The following ACOX3 variants were observed in gnomAD, a reference collection of about 807,000 sequenced individuals.
ACOX3 encodes the protein acyl-CoA oxidase 3, pristanoyl, also known as peroxisomal acyl-coenzyme A oxidase 3.
A neutral mutation model predicts 81.5 loss-of-function variants in ACOX3; 73 were observed. The ratio of observed to expected loss-of-function variants is 0.90; its 90% CI spans 0.74 to 1.09. The LOEUF (loss-of-function observed/expected upper bound fraction) is 1.09. ACOX3 is among the 50% of genes least tolerant of loss of function. The probability of loss-of-function intolerance (pLI) is 0.00; values close to 1 mark genes in which losing one functional copy is unlikely to be tolerated. For synonymous variants in ACOX3, 387 were observed against 375.1 expected (o/e 1.03, Z -0.37); for missense variants, 947 against 928.0 (o/e 1.02, Z -0.27).
chr4:8,400,672 C>G lies in ACOX3; in HGVS notation c.777-1020G>C, dbSNP rs1242941189. Among the ~76,000 whole-genome samples, 1 of 152,092 alleles carries G rather than the reference C, an allele frequency of 6.6e-6. No individual in the cohort carries two copies. Reference sequence around the variant, plus strand: ...GGTTAAGAATATTACATAAACTGTGCAAAAACCCCCCAAAACAAACTTCAA... The same window carrying G: ...GGTTAAGAATATTACATAAACTGTGGAAAAACCCCCCAAAACAAACTTCAA... On this transcript the variant is annotated intron_variant, in intron 7 of 17. Transcript: ENST00000356406. This position sits in a 1 kb window ranked among gnomAD's most constrained non-coding sequence, Gnocchi z 4.4.
chr4:8,435,162 AG>A (rs1471299276), intron 1 of ACOX3, among the ~76,000 whole-genome samples: 1 of 152,220 alleles, frequency 6.6e-6, no homozygotes, highest in Non-Finnish European at 1.5e-5. Context: ...ACAGAGGTTA[AG>A]CCCCCAGAGG....
chr4:8,421,172 T>C (rs1722900741), intron 1 of ACOX3, among the ~76,000 whole-genome samples: 1 of 152,236 alleles, frequency 6.6e-6, no homozygotes, highest in South Asian at 2.1e-4. Flanking sequence ...TGAGTAATAT[T>C]GAACCACTTT....
intron 13 of ACOX3, among the ~76,000 whole-genome samples, chr4:8,388,915 AG>A (rs1022538315): frequency 6.6e-6 from 1 of 152,090 alleles, no homozygotes; most frequent in African/African-American, 2.4e-5. Context: ...ATCCTATGGG[AG>A]GGAAAGGCAA....
At chr4:8,360,691 C>G in the ACOX3 span, among the ~76,000 whole-genome samples, 1 of 152,130 alleles carries the variant, frequency 6.6e-6, no homozygotes, top group Non-Finnish European at 1.5e-5. Flanking sequence ...CCAGGATGGT[C>G]TCAATCTCCT....
chr4:8,427,733 G>A (rs1321268292), intron 1 of ACOX3, among the ~76,000 whole-genome samples: 3 of 152,344 alleles, frequency 2.0e-5, no homozygotes, highest in East Asian at 3.9e-4. Flanking sequence ...ATTGGGACCG[G>A]CCTGCCACCA....
the ACOX3 span, chr4:8,358,090 C>T: frequency 1.2e-4 from 18 of 152,218 alleles, no homozygotes; most frequent in African/African-American, 2.4e-4. Flanking sequence ...AACGGGACTC[C>T]GGTATAGCAT....
intron 14 of ACOX3, among the ~76,000 whole-genome samples, chr4:8,380,748 G>A (rs759696707): frequency 6.6e-6 from 1 of 152,192 alleles, no homozygotes; most frequent in South Asian, 2.1e-4. Context: ...AGCTCTCTCC[G>A]TATCCACGGC....
chr4:8,374,673 A>C, intron 15 of ACOX3: 1 of 286,566 alleles, frequency 3.5e-6, no homozygotes, highest in Non-Finnish European at 6.5e-6. Flanking sequence ...TATGGGACCT[A>C]GTGGGTGGGC....
intron 1 of ACOX3, among the ~76,000 whole-genome samples, chr4:8,435,150 T>C (rs974237957): frequency 6.6e-6 from 1 of 152,214 alleles, no homozygotes; most frequent in Non-Finnish European, 1.5e-5. Context: ...TTGCAGGGGA[T>C]TACAGAGGTT....
Position 8,394,749 on chromosome 4 carries a change from C to A in ACOX3, c.1057-7G>T. ...ATGGAAGCAAGCGCCATTGCTAGAA[C>A]AGACAAGACACCTGCGTGAACACAT... On this transcript the variant is annotated splice_region_variant and splice_polypyrimidine_tract_variant and intron_variant, in intron 9 of 17. Coordinates refer to ENST00000356406, the MANE Select transcript of ACOX3 (RefSeq NM_003501.3). This position sits in a 1 kb window ranked among gnomAD's most constrained non-coding sequence, Gnocchi z 5.9. 2 of 1,612,196 alleles carry A rather than the reference C, an allele frequency of 1.2e-6. No individual in the cohort carries two copies. Among genetic ancestry groups the A allele is most frequent in the Non-Finnish European group, 1.7e-6 (2 of 1,179,100 alleles).
chr4:8,425,622 A>T (rs1723397226), intron 1 of ACOX3, among the ~76,000 whole-genome samples: 1 of 149,418 alleles, frequency 6.7e-6, no homozygotes, highest in South Asian at 2.2e-4. Context: ...AACAAAGAAC[A>T]GGCCATTACC....
chr4:8,431,265 C>T lies in ACOX3; in HGVS notation c.-15+9383G>A, dbSNP rs1254791515. On this transcript the variant is annotated intron_variant, in intron 1 of 17. Coordinates refer to ENST00000356406, the MANE Select transcript of ACOX3 (RefSeq NM_003501.3). The surrounding 1 kb of genome is among the most constrained non-coding windows in gnomAD (Gnocchi z 5.3). Reference sequence around the variant, plus strand: ...GGCTGGCCTGTAGCAAGTTTTGGCCCCCTGACTTCACTCTCTCCATTTAGT... The same window carrying T: ...GGCTGGCCTGTAGCAAGTTTTGGCCTCCTGACTTCACTCTCTCCATTTAGT... Among the ~76,000 whole-genome samples the T allele has an allele frequency of 1.3e-5, 2 of 152,174 alleles. No individual in the cohort carries two copies. The highest frequency in any genetic ancestry group is 2.9e-5 in the Non-Finnish European group (2 of 68,026).
intron 7 of ACOX3, among the ~76,000 whole-genome samples, chr4:8,404,188 A>G (rs1204917919): frequency 6.6e-6 from 1 of 152,206 alleles, no homozygotes; most frequent in Non-Finnish European, 1.5e-5. Context: ...CTGAGGGCGA[A>G]GGGCCTGAAC....
At position 8,370,491 on chromosome 4, in the gene ACOX3, GACAGAGGGGC is replaced by G. The variant is rs886353605; in HGVS notation, c.1983+407_1983+416del. Among the ~76,000 whole-genome samples the G allele has an allele frequency of 2.0e-5, 3 of 151,606 alleles. No individual in the cohort carries two copies. Among genetic ancestry groups the G allele is most frequent in the African/African-American group, 7.3e-5 (3 of 41,156 alleles). On this transcript the variant is annotated intron_variant, in intron 17 of 17. Coordinates refer to ENST00000356406, the MANE Select transcript of ACOX3 (RefSeq NM_003501.3). The surrounding 1 kb of genome is among the most constrained non-coding windows in gnomAD (Gnocchi z 6.3). ...GTGACAACCATGGATGGTCAGAGGG[GACAGAGGGGC>G]CTGGGGATTCCAGGACAGGGATGGG...
chr4:8,362,277 A>C (rs548671166), downstream of ACOX3, among the ~76,000 whole-genome samples: 2 of 152,362 alleles, frequency 1.3e-5, no homozygotes, highest in Non-Finnish European at 2.9e-5. Flanking sequence ...CCAATAAAAA[A>C]CTGAAGTAAT....
intron 7 of ACOX3, among the ~76,000 whole-genome samples, chr4:8,404,730 C>G (rs1039942412): frequency 1.3e-5 from 2 of 152,182 alleles, no homozygotes; most frequent in Non-Finnish European, 2.9e-5. Context: ...CAGTTATTTC[C>G]AACTCCTGTA....
rs187789155 is a variant in ACOX3, at chr4:8,416,276, G to T, written c.144+102C>A. 9.4e-6 allele frequency: 15 copies of T among 1,587,452 alleles called. No individual in the cohort carries two copies. Among genetic ancestry groups the T allele is most frequent in the Non-Finnish European group, 1.2e-5 (14 of 1,159,740 alleles). On this transcript the variant is annotated intron_variant, in intron 2 of 17. Transcript: ENST00000356406. This position sits in a 1 kb window ranked among gnomAD's most constrained non-coding sequence, Gnocchi z 4.2. ...GGCCGCGCTGCCTGGGATGAGCCTC[G>T]CCCGGCAGAGGAGGAGCTGTGAGAG...
intron 1 of ACOX3, among the ~76,000 whole-genome samples, chr4:8,434,285 C>T (rs1204096685): frequency 6.6e-6 from 1 of 152,240 alleles, no homozygotes; most frequent in Non-Finnish European, 1.5e-5. Flanking sequence ...GGGCTCCGCT[C>T]TTAAGCCACA....
At chr4:8,413,926 G>A (rs953231672) in intron 5 of ACOX3, among the ~76,000 whole-genome samples, 2 of 152,152 alleles carry the variant, frequency 1.3e-5, no homozygotes, top group Admixed American at 6.5e-5. Context: ...GTCTCCATGG[G>A]GCCCACCGTA....
Sources: allele counts gnomAD v4.1 joint callset (sites outside exome capture counted in the v4.1 genomes callset), GRCh38; gene constraint gnomAD v4.1.1; non-coding constraint Gnocchi (gnomAD v3.1); transcripts MANE v1.5; gene names NCBI Gene and HGNC (gene_info 2026-07-23, HGNC 2026-07-21).